ZNF385D: variants seen among roughly 807,000 people sequenced by gnomAD.
ZNF385D encodes the protein zinc finger protein 659.
ZNF385D carries 15 observed loss-of-function variants against 35.8 expected under a neutral mutation model. The ratio of observed to expected loss-of-function variants is 0.42; its 90% confidence interval spans 0.28 to 0.64. The LOEUF (loss-of-function observed/expected upper bound fraction) is 0.64. Ranked by LOEUF, ZNF385D falls within the 30% of genes least tolerant of loss-of-function variation. The pLI, the probability that ZNF385D is intolerant of heterozygous loss-of-function variation, is 0.23. For missense variants in ZNF385D, 474 were observed against 494.6 expected (o/e 0.96, Z 0.39); for synonymous variants, 212 against 186.8 (o/e 1.13, Z -1.10).
intron 1 of ZNF385D, among the ~76,000 whole-genome samples, chr3:21,743,691 T>G (rs572040255): frequency 6.6e-6 from 1 of 152,286 alleles, no homozygotes; most frequent in South Asian, 2.1e-4. Flanking sequence ...CTAAACTTAA[T>G]TACCTCCCAC....
intron 2 of ZNF385D, among the ~76,000 whole-genome samples, chr3:22,222,102 G>A (rs543210328): frequency 3.3e-5 from 5 of 151,966 alleles, no homozygotes; most frequent in Non-Finnish European, 4.4e-5. Context: ...TCACTCTCCC[G>A]AGTAGCTGGG....
intron 2 of ZNF385D, among the ~76,000 whole-genome samples, chr3:21,568,895 G>T (rs1188665074): frequency 1.3e-5 from 2 of 152,156 alleles, no homozygotes; most frequent in Non-Finnish European, 2.9e-5. Context: ...CCTAACCTGT[G>T]CAGCACTGAA....
intron 3 of ZNF385D, chr3:21,563,328 T>G (rs954795474): frequency 6.6e-6 from 1 of 152,368 alleles, no homozygotes; most frequent in Non-Finnish European, 1.5e-5. Flanking sequence ...AGAAATAAAT[T>G]TCTGTTGTTT....
chr3:21,822,689 G>C (rs1261024609), intron 3 of ZNF385D, among the ~76,000 whole-genome samples: 1 of 152,098 alleles, frequency 6.6e-6, no homozygotes, highest in Non-Finnish European at 1.5e-5. Context: ...CAAATGCATA[G>C]TTACAGTATA....
intron 3 of ZNF385D, among the ~76,000 whole-genome samples, chr3:22,092,209 A>C (rs897877075): frequency 6.6e-6 from 1 of 152,182 alleles, no homozygotes; most frequent in Non-Finnish European, 1.5e-5. Flanking sequence ...TGGAACCTGT[A>C]AACATTCCTT....
intron 1 of ZNF385D, among the ~76,000 whole-genome samples, chr3:21,693,629 T>C (rs1299873586): frequency 6.6e-6 from 1 of 152,072 alleles, no homozygotes; most frequent in Non-Finnish European, 1.5e-5. Context: ...CTAAAATTCA[T>C]AAACCAAAAA....
chr3:21,884,950 A>G (rs940474096), intron 3 of ZNF385D, among the ~76,000 whole-genome samples: 1 of 152,042 alleles, frequency 6.6e-6, no homozygotes, highest in African/African-American at 2.4e-5. Context: ...GAATACAGCC[A>G]TGCTCACTTA....
intron 1 of ZNF385D, among the ~76,000 whole-genome samples, chr3:21,746,601 G>C (rs4443198): frequency 6.6e-6 from 1 of 152,096 alleles, no homozygotes; most frequent in Non-Finnish European, 1.5e-5. Flanking sequence ...AGGACTTCAC[G>C]CTTTAAAAGG....
At chr3:22,006,976 T>G (rs1327144405) in intron 3 of ZNF385D, among the ~76,000 whole-genome samples, 1 of 152,078 alleles carries the variant, frequency 6.6e-6, no homozygotes, top group Admixed American at 6.6e-5. Flanking sequence ...ATCAAGGCCT[T>G]AGACCTAGGG....
At chr3:21,836,004 T>C (rs999807194) in intron 3 of ZNF385D, among the ~76,000 whole-genome samples, 2 of 152,072 alleles carry the variant, frequency 1.3e-5, no homozygotes, top group African/African-American at 2.4e-5. Context: ...TGGGTGCCTA[T>C]GAAGATCAGA....
chr3:21,577,057 A>G (rs890271756), intron 2 of ZNF385D, among the ~76,000 whole-genome samples: 3 of 152,196 alleles, frequency 2.0e-5, no homozygotes, highest in African/African-American at 7.2e-5. Context: ...CAGAATAAGA[A>G]CTTAATCTAT....
chr3:21,477,557 C>A (rs915055407), intron 4 of ZNF385D, among the ~76,000 whole-genome samples: 1 of 152,070 alleles, frequency 6.6e-6, no homozygotes, highest in African/African-American at 2.4e-5. Flanking sequence ...TTCTTAAATA[C>A]CCTACTAACT....
chr3:21,696,481 A>G (rs1471614946), intron 1 of ZNF385D, among the ~76,000 whole-genome samples: 1 of 152,244 alleles, frequency 6.6e-6, no homozygotes, highest in Non-Finnish European at 1.5e-5. Flanking sequence ...CATTATATAC[A>G]GTCATGTAGA....
chr3:21,609,912 TC>T (rs1330527202), intron 2 of ZNF385D, among the ~76,000 whole-genome samples: 1 of 152,138 alleles, frequency 6.6e-6, no homozygotes, highest in Admixed American at 6.5e-5. Context: ...GTATTTAAAT[TC>T]CTCCTTCTAT....
At chr3:21,795,051 G>C (rs775732533) in intron 3 of ZNF385D, among the ~76,000 whole-genome samples, 20 of 152,098 alleles carry the variant, frequency 1.3e-4, no homozygotes, top group Non-Finnish European at 2.5e-4. Context: ...CAAATTATTT[G>C]TACCTGATCC....
intron 3 of ZNF385D, among the ~76,000 whole-genome samples, chr3:22,083,591 C>A (rs1700874880): frequency 1.3e-5 from 2 of 151,934 alleles, no homozygotes; most frequent in Admixed American, 1.3e-4. Context: ...GTGAAAAGAC[C>A]AAATCTATGT....
At chr3:21,484,987 G>A (rs547315695) in intron 4 of ZNF385D, among the ~76,000 whole-genome samples, 1 of 152,204 alleles carries the variant, frequency 6.6e-6, no homozygotes, top group East Asian at 1.9e-4. Flanking sequence ...TAAGTCTTGA[G>A]GCTGCTAGAC....
rs1176092457 is a variant in ZNF385D, at chr3:22,023,670, T to TA, written c.325+145146dup. Among the ~76,000 whole-genome samples, 12 of 152,224 alleles carry TA rather than the reference T, an allele frequency of 7.9e-5. 1 individual carries two copies. The highest frequency in any genetic ancestry group is 6.5e-4 in the Admixed American group (10 of 15,286). On this transcript the variant is annotated intron_variant, in intron 3 of 5. Transcript: ENST00000494108. ...AGCAGCAAAGCAATGCTTTTTTTTT[T>TA]ATCAAACTGATGATTCACTAAATCT...
intron 2 of ZNF385D, among the ~76,000 whole-genome samples, chr3:22,171,115 A>T (rs76350869): frequency 7.2e-6 from 1 of 139,254 alleles, no homozygotes; most frequent in African/African-American, 2.8e-5. Context: ...ATTTATTATG[A>T]AAAAATAAAT....
Sources: gnomAD v4.1 joint callset for allele counts (sites outside exome capture counted in the v4.1 genomes callset) on GRCh38, gnomAD v4.1.1 for gene constraint, MANE v1.5 for transcripts, NCBI Gene and HGNC (gene_info 2026-07-23, HGNC 2026-07-21) for gene names.